CNOT6L: variants seen among roughly 807,000 people sequenced by gnomAD.
The protein encoded by CNOT6L is CCR4-NOT transcription complex subunit 6-like.
A neutral mutation model predicts 64.0 loss-of-function variants in CNOT6L; 7 were observed. The observed-to-expected ratio is 0.11, with a 90% CI of 0.06 to 0.21. CNOT6L has a LOEUF of 0.21. Among genes scored for constraint, CNOT6L ranks in the 10% least tolerant of loss-of-function variants. CNOT6L has a pLI of 1.00. For synonymous variants in CNOT6L, 193 were observed against 243.4 expected, an observed-to-expected ratio of 0.79 and a Z score of 1.93; for missense variants, 245 against 669.0, an observed-to-expected ratio of 0.37 and a Z score of 6.99.
At chr4:77,767,480 C>A (rs1431487559) in intron 4 of CNOT6L, among the ~76,000 whole-genome samples, 1 of 151,952 alleles carries the variant, frequency 6.6e-6, no homozygotes, top group Non-Finnish European at 1.5e-5. Context: ...CTAATTGGTA[C>A]AAGGTTAGAC....
chr4:77,786,807 GGA>G (rs1227583186), intron 1 of CNOT6L, among the ~76,000 whole-genome samples: 7 of 152,154 alleles, frequency 4.6e-5, no homozygotes, highest in African/African-American at 1.4e-4. Context: ...AACAATATGA[GGA>G]GAGAGGCTGT....
intron 5 of CNOT6L, among the ~76,000 whole-genome samples, chr4:77,750,691 A>T (rs1724758553): frequency 6.6e-6 from 1 of 152,212 alleles, no homozygotes; most frequent in Non-Finnish European, 1.5e-5. Context: ...ACATGGCCAA[A>T]TGATATCACC....
chr4:77,737,721 A>G (rs1723132655), intron 8 of CNOT6L, among the ~76,000 whole-genome samples: 1 of 152,004 alleles, frequency 6.6e-6, no homozygotes, highest in African/African-American at 2.4e-5. Context: ...CCCAGACTGT[A>G]CAGCTCTTTT....
chr4:77,756,324 G>T (rs141345678), intron 5 of CNOT6L, among the ~76,000 whole-genome samples: 1 of 152,250 alleles, frequency 6.6e-6, no homozygotes, highest in Non-Finnish European at 1.5e-5. Context: ...CTTCCATTTG[G>T]AATACAATGA....
intron 1 of CNOT6L, among the ~76,000 whole-genome samples, chr4:77,792,292 G>T (rs1473167668): frequency 2.0e-5 from 3 of 151,806 alleles, no homozygotes; most frequent in Non-Finnish European, 4.4e-5. Flanking sequence ...CAACTATAGA[G>T]GCAAAAATTC....
chr4:77,724,396 T>C (rs1045903737), intron 11 of CNOT6L, among the ~76,000 whole-genome samples: 11 of 151,524 alleles, frequency 7.3e-5, no homozygotes, highest in African/African-American at 2.2e-4. Flanking sequence ...CCCAGCACTT[T>C]GGGAGGCTGA....
intron 1 of CNOT6L, among the ~76,000 whole-genome samples, chr4:77,784,685 ATGTTGCCCAGGCTGG>A (rs1188643830): frequency 6.6e-6 from 1 of 151,940 alleles, no homozygotes; most frequent in Non-Finnish European, 1.5e-5. Context: ...GGGTTTCACC[ATGTTGCCCAGGCTGG>A]TCTTGAACTC....
intron 4 of CNOT6L, among the ~76,000 whole-genome samples, chr4:77,759,132 G>A (rs1725886278): frequency 6.6e-6 from 1 of 151,932 alleles, no homozygotes; most frequent in East Asian, 1.9e-4. Flanking sequence ...AGGAAAGGCT[G>A]CAAATTTTCA....
chr4:77,815,564 A>G (rs1733477421), intron 1 of CNOT6L, among the ~76,000 whole-genome samples: 1 of 152,204 alleles, frequency 6.6e-6, no homozygotes. Context: ...AATATATGCT[A>G]ACATCTAAAA....
At chr4:77,765,646 C>G (rs1726742865) in intron 4 of CNOT6L, among the ~76,000 whole-genome samples, 1 of 152,130 alleles carries the variant, frequency 6.6e-6, no homozygotes, top group African/African-American at 2.4e-5. Context: ...ACAGAAAAAT[C>G]CTTTAAAAAA....
At chr4:77,758,315 GGCA>G (rs1238764374) in intron 4 of CNOT6L, among the ~76,000 whole-genome samples, 5 of 152,134 alleles carry the variant, frequency 3.3e-5, no homozygotes, top group African/African-American at 1.2e-4. Flanking sequence ...GAATGAGTTA[GGCA>G]GCAGATTAGA....
At chr4:77,779,217 T>C (rs1728569487) in intron 1 of CNOT6L, among the ~76,000 whole-genome samples, 1 of 152,080 alleles carries the variant, frequency 6.6e-6, no homozygotes. Flanking sequence ...TCCCGCCACA[T>C]AGGAAGCACA....
At chr4:77,801,806 T>C (rs1578002623) in intron 1 of CNOT6L, among the ~76,000 whole-genome samples, 1 of 151,714 alleles carries the variant, frequency 6.6e-6, no homozygotes, top group African/African-American at 2.4e-5. Context: ...GGAGGACTGC[T>C]TGAAGTCAGG....
intron 4 of CNOT6L, among the ~76,000 whole-genome samples, chr4:77,757,752 T>C (rs1725725384): frequency 6.6e-6 from 1 of 151,992 alleles, no homozygotes; most frequent in Admixed American, 6.6e-5. Flanking sequence ...TGGGCTGGAG[T>C]GCACTGGCAC....
At chr4:77,779,776 A>T (rs1456794508) in intron 1 of CNOT6L, among the ~76,000 whole-genome samples, 2 of 152,168 alleles carry the variant, frequency 1.3e-5, no homozygotes, top group African/African-American at 2.4e-5. Flanking sequence ...CCTGGCTAAC[A>T]TGGTGAAACC....
intron 4 of CNOT6L, among the ~76,000 whole-genome samples, chr4:77,765,193 T>C (rs972092140): frequency 2.0e-5 from 3 of 152,134 alleles, no homozygotes; most frequent in Non-Finnish European, 4.4e-5. Context: ...GCCATGGCAA[T>C]GTCAGACAGT....
chr4:77,749,250 G>C (rs1724576624), intron 5 of CNOT6L, among the ~76,000 whole-genome samples: 1 of 152,172 alleles, frequency 6.6e-6, no homozygotes, highest in African/African-American at 2.4e-5. Context: ...ACTTTTCACA[G>C]AGTAGAATGA....
At chr4:77,785,366 A>G (rs1006951619) in intron 1 of CNOT6L, among the ~76,000 whole-genome samples, 7 of 152,224 alleles carry the variant, frequency 4.6e-5, no homozygotes, top group African/African-American at 1.7e-4. Flanking sequence ...GAATTAGGCA[A>G]AGATTACTTA....
At chr4:77,819,430 C>G (rs1734047744), upstream of CNOT6L, 1 of 1,581,682 alleles carries the variant, frequency 6.3e-7, no homozygotes, top group African/African-American at 1.4e-5. Context: ...GAGCCGCGGC[C>G]GCAGACGCAG....
Sources: allele counts gnomAD v4.1 joint callset (sites outside exome capture counted in the v4.1 genomes callset), GRCh38; gene constraint gnomAD v4.1.1; transcripts MANE v1.5; gene names NCBI Gene and HGNC (gene_info 2026-07-23, HGNC 2026-07-21).